The following ANKRD13C variants were observed in gnomAD, a reference collection of about 807,000 sequenced individuals.
The protein encoded by ANKRD13C is ankyrin repeat domain-containing protein 13C.
In ANKRD13C, 16 loss-of-function variants were observed where a neutral mutation model predicts 65.5. That is an observed-to-expected ratio of 0.24 (90% CI 0.17 to 0.37). The LOEUF (loss-of-function observed/expected upper bound fraction) is 0.37. Among genes scored for constraint, ANKRD13C ranks in the 10% least tolerant of loss-of-function variants. ANKRD13C has a pLI of 1.00. For synonymous variants in ANKRD13C, 235 were observed against 238.7 expected, an observed-to-expected ratio of 0.98 and a Z score of 0.14; for missense variants, 503 against 655.9, an observed-to-expected ratio of 0.77 and a Z score of 2.55.
At chr1:70,328,328 C>A (rs972923818) in intron 2 of ANKRD13C, among the ~76,000 whole-genome samples, 13 of 152,114 alleles carry the variant, frequency 8.5e-5, no homozygotes, top group Admixed American at 5.2e-4. Context: ...TAGAATTCAT[C>A]TGCTCAACAC....
chr1:70,297,072 A>G (rs1249999145), intron 7 of ANKRD13C, among the ~76,000 whole-genome samples: 9 of 152,276 alleles, frequency 5.9e-5, no homozygotes, highest in East Asian at 1.9e-4. Context: ...ATTCTATTCC[A>G]TAATAGGCCA....
At chr1:70,293,518 A>C in intron 8 of ANKRD13C, 2 of 981,126 alleles carry the variant, frequency 2.0e-6, no homozygotes, top group Non-Finnish European at 2.4e-6. Context: ...CAAAGATTTA[A>C]GAAGATCACC....
chr1:70,264,849 G>C (rs1443912502), intron 12 of ANKRD13C, among the ~76,000 whole-genome samples: 1 of 152,136 alleles, frequency 6.6e-6, no homozygotes, highest in Non-Finnish European at 1.5e-5. Context: ...ACGAGCTGTT[G>C]AATAGGGTGG....
intron 5 of ANKRD13C, among the ~76,000 whole-genome samples, chr1:70,312,378 T>C (rs1214875574): frequency 6.6e-6 from 1 of 152,016 alleles, no homozygotes; most frequent in African/African-American, 2.4e-5. Context: ...GTTTTTTTTT[T>C]TTTTTGAGAC....
At chr1:70,328,294 T>G (rs942859413) in intron 2 of ANKRD13C, among the ~76,000 whole-genome samples, 1 of 152,066 alleles carries the variant, frequency 6.6e-6, no homozygotes. Context: ...CTTAAAGGAA[T>G]GTTCACGGTG....
At chr1:70,342,173 C>T (rs114084829) in intron 1 of ANKRD13C, among the ~76,000 whole-genome samples, 2,774 of 151,930 alleles carry the variant, frequency 0.018, 91 homozygotes, top group African/African-American at 0.064. Flanking sequence ...CTCTGAGATT[C>T]CAAGTGAAGA....
intron 6 of ANKRD13C, chr1:70,305,708 C>T (rs1050970190): frequency 8.6e-5 from 13 of 151,880 alleles, no homozygotes; most frequent in African/African-American, 2.7e-4. Flanking sequence ...ATAAAAGGAA[C>T]AGAATGAGGA....
chr1:70,353,959 G>C lies in ANKRD13C; in HGVS notation c.430+20C>G. 2 of 1,501,086 alleles carry C rather than the reference G, an allele frequency of 1.3e-6. No individual in the cohort carries two copies. The highest frequency in any genetic ancestry group is 1.8e-6 in the Non-Finnish European group (2 of 1,124,098). 93.0% of individuals were successfully genotyped at this position (1,501,086 alleles called of 1,614,324 possible). ...AGGCTCGGGGAAGGAGAGAGGTGGA[G>C]AGGGGCTAGCACTCCTCACCGTGAT... On this transcript the variant is annotated intron_variant, in intron 1 of 12. Transcript: ENST00000370944.
chr1:70,285,235 C>T (rs1189383751), intron 9 of ANKRD13C, among the ~76,000 whole-genome samples: 1 of 146,618 alleles, frequency 6.8e-6, no homozygotes, highest in Non-Finnish European at 1.5e-5. Flanking sequence ...CTCTGTTGCC[C>T]AGGCTGGAGT....
chr1:70,314,740 TAAA>T (rs560566300), intron 4 of ANKRD13C, among the ~76,000 whole-genome samples: 1 of 133,778 alleles, frequency 7.5e-6, no homozygotes, highest in Non-Finnish European at 1.6e-5. Context: ...TCTTAAGATC[TAAA>T]AAAAAAAAAA....
intron 4 of ANKRD13C, among the ~76,000 whole-genome samples, 183 bp from the exon 5 acceptor site, chr1:70,313,973 A>G (rs1680963257): frequency 6.6e-6 from 1 of 151,964 alleles, no homozygotes; most frequent in South Asian, 2.1e-4. Context: ...GAAACTGATA[A>G]GCATTTAAAT....
intron 7 of ANKRD13C, 123 bp downstream of exon 7, chr1:70,300,641 C>T (rs373884050): frequency 6.7e-6 from 6 of 891,508 alleles, no homozygotes; most frequent in East Asian, 6.2e-5. Flanking sequence ...GAAACTATAG[C>T]TTTAGGAACA....
intron 1 of ANKRD13C, among the ~76,000 whole-genome samples, chr1:70,347,595 T>C (rs1455215094): frequency 3.3e-5 from 5 of 152,148 alleles, no homozygotes; most frequent in Non-Finnish European, 7.4e-5. Flanking sequence ...CCCTCCCTTT[T>C]AAGACATAGC....
intron 9 of ANKRD13C, among the ~76,000 whole-genome samples, chr1:70,285,870 C>T (rs1023033444): frequency 5.9e-5 from 9 of 152,116 alleles, no homozygotes; most frequent in African/African-American, 2.2e-4. Flanking sequence ...AGTGATCTGC[C>T]TGCCACCACC....
chr1:70,298,351 C>T (rs1680182804), intron 7 of ANKRD13C, among the ~76,000 whole-genome samples: 1 of 152,104 alleles, frequency 6.6e-6, no homozygotes, highest in Non-Finnish European at 1.5e-5. Context: ...AATTACATTG[C>T]TTCAACATTT....
rs528594825 is a variant in ANKRD13C, at chr1:70,285,630, CT to C, written c.1215+6757del. Among the ~76,000 whole-genome samples the C allele has an allele frequency of 7.6e-3, 1,021 of 133,530 alleles. 4 individuals are homozygous for C. Among genetic ancestry groups the C allele is most frequent in the African/African-American group, 0.021 (758 of 35,434 alleles). The allele number at this position is 133,530 out of a possible 152,430, so 87.6% of individuals were successfully genotyped here. ...TCACATTAAATAATAGAGTTAAACA[CT>C]TTTTTTTTTTTTTTTTTGAGACAGA... On this transcript the variant is annotated intron_variant, in intron 9 of 12. Transcript: ENST00000370944.
intron 3 of ANKRD13C, among the ~76,000 whole-genome samples, chr1:70,323,787 C>T (rs757662673): frequency 8.7e-4 from 129 of 149,082 alleles, no homozygotes; most frequent in African/African-American, 3.0e-3. Context: ...TGCAATGGTG[C>T]GATCTCGGCT....
intron 7 of ANKRD13C, among the ~76,000 whole-genome samples, chr1:70,299,513 T>C (rs1159392861): frequency 6.6e-6 from 1 of 152,106 alleles, no homozygotes; most frequent in African/African-American, 2.4e-5. Context: ...AATGGTCCAG[T>C]TGAGAAATAA....
intron 5 of ANKRD13C, 21 bp downstream of exon 5, chr1:70,313,724 T>C (rs745769540): frequency 6.9e-5 from 109 of 1,581,916 alleles, no homozygotes; most frequent in Non-Finnish European, 9.5e-5. Flanking sequence ...TATTTTATAC[T>C]AAAACATAGC....
Sources: allele counts gnomAD v4.1 joint callset (sites outside exome capture counted in the v4.1 genomes callset), GRCh38; gene constraint gnomAD v4.1.1; transcripts MANE v1.5; gene names NCBI Gene and HGNC (gene_info 2026-07-23, HGNC 2026-07-21).